Variants in TICAM2 observed in about 807,000 individuals in gnomAD.
The protein encoded by TICAM2 is TIR domain-containing adapter molecule 2.
Under a neutral mutation model 7.3 loss-of-function variants are expected in TICAM2, and 8 were observed. The ratio of observed to expected loss-of-function variants is 1.10; its 90% CI spans 0.65 to 1.99. The LOEUF is 1.99. Among genes scored for constraint, TICAM2 ranks in the 30% most tolerant of loss-of-function variants. The probability of loss-of-function intolerance (pLI) is 0.00; values close to 1 mark genes in which losing one functional copy is unlikely to be tolerated. For missense variants in TICAM2, 304 were observed against 278.8 expected (o/e 1.09, Z -0.65); for synonymous variants, 113 against 99.6 (o/e 1.13, Z -0.80).
chr5:115,595,373 AAG>A (rs1167838434), intron 1 of TICAM2, among the ~76,000 whole-genome samples: 4 of 152,136 alleles, frequency 2.6e-5, no homozygotes, highest in African/African-American at 9.7e-5. Flanking sequence ...ACTAAACTTT[AAG>A]TCCTGCTAAT....
At chr5:115,588,539 T>C (rs1035894502) in intron 1 of TICAM2, among the ~76,000 whole-genome samples, 3 of 152,184 alleles carry the variant, frequency 2.0e-5, no homozygotes, top group African/African-American at 7.2e-5. Flanking sequence ...GTGTCCATGA[T>C]GTTAATTAGC....
Position 115,581,278 on chromosome 5 carries a change from A to C in TICAM2, c.-22T>G. ...CCATTATAAATATCCAAGGCAGAAG[A>C]GGAAAACTTTATGTATTTCTCAGCA... On this transcript the variant is annotated 5_prime_UTR_variant, in exon 2 of 2. Coordinates refer to ENST00000427199, the MANE Select transcript of TICAM2 (RefSeq NM_021649.7). 1 of 1,602,582 alleles carries C rather than the reference A, an allele frequency of 6.2e-7. No homozygotes were observed. Among genetic ancestry groups the C allele is most frequent in the Non-Finnish European group, 8.5e-7 (1 of 1,179,902 alleles).
chr5:115,584,469 A>G lies in TICAM2; in HGVS notation c.-59-3154T>C, dbSNP rs577297563. On this transcript the variant is annotated intron_variant, in intron 1 of 1. Coordinates refer to ENST00000427199, the MANE Select transcript of TICAM2 (RefSeq NM_021649.7). ...TTCCAGTCTACTACTAGGACAAACT[A>G]TGCTGCAATGGATAATTCTGTACAA... 5.3e-5 allele frequency among the ~76,000 whole-genome samples: 8 copies of G among 152,348 alleles called. No homozygotes were observed. The East Asian group carries it at 1.5e-3, about 29-fold the overall frequency.
intron 1 of TICAM2, among the ~76,000 whole-genome samples, chr5:115,584,243 A>C (rs1228847909): frequency 6.6e-6 from 1 of 152,214 alleles, no homozygotes; most frequent in East Asian, 1.9e-4. Context: ...TTTTCAAAAA[A>C]AGTATCATTA....
intron 1 of TICAM2, among the ~76,000 whole-genome samples, chr5:115,582,661 G>A (rs776440738): frequency 5.9e-5 from 9 of 152,130 alleles, no homozygotes; most frequent in Non-Finnish European, 1.2e-4. Flanking sequence ...AGAACATTTA[G>A]AATATATAAA....
intron 1 of TICAM2, among the ~76,000 whole-genome samples, chr5:115,599,920 A>G (rs544140928): frequency 1.3e-4 from 20 of 152,028 alleles, no homozygotes; most frequent in Admixed American, 2.0e-4. Context: ...AAGGGAAATG[A>G]AAGTTCTGAG....
intron 1 of TICAM2, among the ~76,000 whole-genome samples, chr5:115,596,077 G>T (rs1755499323): frequency 6.6e-6 from 1 of 152,146 alleles, no homozygotes; most frequent in Non-Finnish European, 1.5e-5. Context: ...AAAACCTGGG[G>T]TATCCTTGAT....
At chr5:115,588,387 G>T (rs553186869) in intron 1 of TICAM2, among the ~76,000 whole-genome samples, 50 of 152,264 alleles carry the variant, frequency 3.3e-4, no homozygotes, top group African/African-American at 1.1e-3. Flanking sequence ...ATGATAAAGT[G>T]ACCTATGGGA....
At chr5:115,584,894 T>C (rs1321863386) in intron 1 of TICAM2, among the ~76,000 whole-genome samples, 2 of 152,078 alleles carry the variant, frequency 1.3e-5, no homozygotes, top group African/African-American at 4.8e-5. Context: ...TTCTCTATAT[T>C]AAACAGAAGA....
chr5:115,594,387 G>A (rs1755427918), intron 1 of TICAM2, among the ~76,000 whole-genome samples: 1 of 152,200 alleles, frequency 6.6e-6, no homozygotes, highest in African/African-American at 2.4e-5. Context: ...AGCACTGTTT[G>A]TCTTAGATGT....
intron 1 of TICAM2, among the ~76,000 whole-genome samples, chr5:115,591,782 C>A (rs1489308186): frequency 6.6e-6 from 1 of 151,990 alleles, no homozygotes; most frequent in African/African-American, 2.4e-5. Context: ...AAAAGCTACA[C>A]AGAACAACTA....
Position 115,579,865 on chromosome 5 carries a change from C to T in TICAM2, c.*684G>A, listed in dbSNP as rs1754852675. 6.6e-6 allele frequency: 1 copy of T among 152,112 alleles called. No homozygotes were observed. Among genetic ancestry groups the T allele is most frequent in the African/African-American group, 2.4e-5 (1 of 41,416 alleles). The allele number at this position is 152,112 out of a possible 1,614,324, so 9.4% of individuals were successfully genotyped here. A position where few individuals can be genotyped will look rare whatever the true frequency, so the allele number is the denominator to read the frequency against. Reference sequence around the variant, plus strand: ...GATGACTAATATGAAGAGATTTAAGCCCCAGGGGACGTCTGAACACCACTC... The same window carrying T: ...GATGACTAATATGAAGAGATTTAAGTCCCAGGGGACGTCTGAACACCACTC... On this transcript the variant is annotated 3_prime_UTR_variant, in exon 2 of 2. Coordinates refer to ENST00000427199, the MANE Select transcript of TICAM2 (RefSeq NM_021649.7).
At position 115,590,357 on chromosome 5, in the gene TICAM2, A is replaced by C. The variant is rs140825335; in HGVS notation, c.-59-9042T>G. Among the ~76,000 whole-genome samples the C allele has an allele frequency of 1.6e-3, 250 of 152,322 alleles. 7 individuals are homozygous for C. In the East Asian group the frequency reaches 0.044, roughly 27 times the overall value. ...TATAAATATGACATATGCATTATAC[A>C]TAATATGGAAAACAGAAAAGATTAC... is the stretch of plus-strand genomic sequence containing the variant. On this transcript the variant is annotated intron_variant, in intron 1 of 1. Transcript: ENST00000427199.
At chr5:115,582,281 G>A (rs1320431054) in intron 1 of TICAM2, among the ~76,000 whole-genome samples, 1 of 151,118 alleles carries the variant, frequency 6.6e-6, no homozygotes, top group African/African-American at 2.4e-5. Flanking sequence ...CTCAGCTTCT[G>A]GAGTAGCTGG....
chr5:115,583,428 G>C (rs757409184), intron 1 of TICAM2, among the ~76,000 whole-genome samples: 2 of 152,110 alleles, frequency 1.3e-5, no homozygotes, highest in African/African-American at 4.8e-5. Context: ...TTACAACTTC[G>C]ACTTATTTTT....
At chr5:115,592,254 T>C (rs1364177327) in intron 1 of TICAM2, among the ~76,000 whole-genome samples, 1 of 152,194 alleles carries the variant, frequency 6.6e-6, no homozygotes, top group Non-Finnish European at 1.5e-5. Context: ...CAATCATATA[T>C]AAACGCAAGT....
At chr5:115,587,798 A>G (rs1358806994) in intron 1 of TICAM2, among the ~76,000 whole-genome samples, 1 of 152,200 alleles carries the variant, frequency 6.6e-6, no homozygotes, top group Non-Finnish European at 1.5e-5. Context: ...TGGGGCATAA[A>G]AGAGCATCTT....
rs116043117 is a variant in TICAM2, at chr5:115,600,342, C to T, written c.-60+1755G>A. On this transcript the variant is annotated intron_variant, in intron 1 of 1. Transcript: ENST00000427199. ...TACACATACATCTGGAGCTCAGAAG[C>T]GAACTAAAGCTAGGAATAAAATTTT... 3.6e-3 allele frequency among the ~76,000 whole-genome samples: 551 copies of T among 152,090 alleles called. 4 individuals are homozygous for T. Among genetic ancestry groups the T allele is most frequent in the African/African-American group, 0.013 (530 of 41,446 alleles).
chr5:115,589,455 G>A (rs1755225650), intron 1 of TICAM2, among the ~76,000 whole-genome samples: 1 of 152,244 alleles, frequency 6.6e-6, no homozygotes, highest in Admixed American at 6.5e-5. Flanking sequence ...ATCTTAGATT[G>A]AAATAACATT....
Sources: gnomAD v4.1 joint callset for allele counts (sites outside exome capture counted in the v4.1 genomes callset) on GRCh38, gnomAD v4.1.1 for gene constraint, MANE v1.5 for transcripts, NCBI Gene and HGNC (gene_info 2026-07-23, HGNC 2026-07-21) for gene names.